The following PDK1 variants were observed in gnomAD, a reference collection of about 807,000 sequenced individuals.
PDK1 encodes pyruvate dehydrogenase kinase 1.
In PDK1, 39 loss-of-function variants were observed where a neutral mutation model predicts 54.2. That is an observed-to-expected ratio of 0.72 (90% confidence interval 0.56 to 0.94). The LOEUF (loss-of-function observed/expected upper bound fraction) is 0.94. Ranked by LOEUF, PDK1 falls within the 40% of genes least tolerant of loss-of-function variation. The pLI, the probability that PDK1 is intolerant of heterozygous loss-of-function variation, is 0.00. For missense variants in PDK1, 552 were observed against 566.0 expected (o/e 0.98, Z 0.25); for synonymous variants, 221 against 207.1 (o/e 1.07, Z -0.58).
the PDK1 span, among the ~76,000 whole-genome samples, chr2:172,639,093 T>C: frequency 6.6e-6 from 1 of 152,224 alleles, no homozygotes. Flanking sequence ...CTCAAACTCC[T>C]GAGTTCAAGT....
intron 7 of PDK1, among the ~76,000 whole-genome samples, chr2:172,569,084 CCT>C (rs1355860985): frequency 1.3e-5 from 2 of 152,166 alleles, no homozygotes; most frequent in East Asian, 3.9e-4. Context: ...AGTCACTCAA[CCT>C]CTCTGAGCCT....
chr2:172,600,299 G>C lies in PDK1; in HGVS notation c.*4330G>C, dbSNP rs558601835. 4 of 152,214 alleles carry C rather than the reference G, an allele frequency of 2.6e-5. No homozygotes were observed. The South Asian group carries it at 6.2e-4, about 24-fold the overall frequency. 9.4% of individuals were successfully genotyped at this position (152,214 alleles called of 1,614,324 possible). A position where few individuals can be genotyped will look rare whatever the true frequency, so the allele number is the denominator to read the frequency against. The stretch of plus-strand genomic sequence containing the variant: ...CAGTATTGCATGAAAATACAGTATG[G>C]TATGAAATTATTTGTCCAAAACTGT... On this transcript the variant is annotated 3_prime_UTR_variant, in exon 11 of 11. Transcript: ENST00000282077.
chr2:172,608,845 G>A (rs562015243), downstream of PDK1, among the ~76,000 whole-genome samples: 3 of 152,166 alleles, frequency 2.0e-5, no homozygotes, highest in South Asian at 6.2e-4. Flanking sequence ...TCCACAGATG[G>A]GCTTTTGTAG....
downstream of PDK1, among the ~76,000 whole-genome samples, chr2:172,612,694 T>C (rs1426004364): frequency 6.6e-6 from 1 of 152,054 alleles, no homozygotes; most frequent in East Asian, 1.9e-4. Context: ...GAGACGGAGT[T>C]TCACTGTTAA....
chr2:172,620,776 CCTGCTCTCCCTTTGCCTTCCACCAT>C, the PDK1 span, among the ~76,000 whole-genome samples: 1 of 152,146 alleles, frequency 6.6e-6, no homozygotes, highest in Non-Finnish European at 1.5e-5. Flanking sequence ...ATGTGAAGTG[CCTGCTCTCCCTTTGCCTTCCACCAT>C]AAGTAAAAGT....
the PDK1 span, among the ~76,000 whole-genome samples, chr2:172,702,846 A>G: frequency 6.6e-6 from 1 of 152,152 alleles, no homozygotes; most frequent in East Asian, 1.9e-4. Flanking sequence ...TACCCTGCCC[A>G]TATTCTCTTG....
At chr2:172,693,600 C>T in the PDK1 span, among the ~76,000 whole-genome samples, 4 of 152,066 alleles carry the variant, frequency 2.6e-5, no homozygotes, top group African/African-American at 9.7e-5. Context: ...CCATTTAAGT[C>T]CAAATGGCAA....
At chr2:172,583,470 T>G (rs1483710890) in intron 8 of PDK1, among the ~76,000 whole-genome samples, 1 of 151,774 alleles carries the variant, frequency 6.6e-6, no homozygotes, top group African/African-American at 2.4e-5. Context: ...ATTTTTGTAT[T>G]TTTAGTAGAG....
intron 9 of PDK1, among the ~76,000 whole-genome samples, chr2:172,587,910 T>C (rs539521615): frequency 1.3e-5 from 2 of 152,286 alleles, no homozygotes; most frequent in South Asian, 4.1e-4. Flanking sequence ...AGAGCGCCAA[T>C]TGGTGCATTT....
chr2:172,633,381 C>CTTT, the PDK1 span, among the ~76,000 whole-genome samples: 7 of 103,958 alleles, frequency 6.7e-5, no homozygotes, highest in Non-Finnish European at 9.5e-5. Flanking sequence ...GATTTTCTTT[C>CTTT]TTTTTTTTTT....
At chr2:172,688,975 C>A in the PDK1 span, among the ~76,000 whole-genome samples, 1 of 151,612 alleles carries the variant, frequency 6.6e-6, no homozygotes, top group African/African-American at 2.4e-5. Flanking sequence ...TGGCCCGGAC[C>A]CAAAGAGTGA....
At chr2:172,696,224 T>C in the PDK1 span, among the ~76,000 whole-genome samples, 1 of 151,140 alleles carries the variant, frequency 6.6e-6, no homozygotes, top group East Asian at 1.9e-4. Context: ...TCTTCCCCAG[T>C]TGAGCCTCCA....
At chr2:172,656,693 C>A in the PDK1 span, among the ~76,000 whole-genome samples, 1 of 152,118 alleles carries the variant, frequency 6.6e-6, no homozygotes, top group Non-Finnish European at 1.5e-5. Context: ...AGGATCACTT[C>A]TTGAGGCCAG....
chr2:172,709,015 A>G, the PDK1 span, among the ~76,000 whole-genome samples: 1 of 152,180 alleles, frequency 6.6e-6, no homozygotes, highest in Non-Finnish European at 1.5e-5. Flanking sequence ...AAGACAGCTG[A>G]TAAAGAGATT....
At chr2:172,672,238 G>T in the PDK1 span, among the ~76,000 whole-genome samples, 2 of 152,136 alleles carry the variant, frequency 1.3e-5, no homozygotes, top group African/African-American at 4.8e-5. Flanking sequence ...GCTGTTTAAA[G>T]TTTGAAATTA....
At chr2:172,697,199 A>G in the PDK1 span, among the ~76,000 whole-genome samples, 33 of 152,292 alleles carry the variant, frequency 2.2e-4, no homozygotes, top group Admixed American at 2.0e-3. Flanking sequence ...GCCAATTCCA[A>G]CTGCAAAACC....
At chr2:172,714,914 C>T in the PDK1 span, among the ~76,000 whole-genome samples, 27 of 151,872 alleles carry the variant, frequency 1.8e-4, no homozygotes, top group South Asian at 1.3e-3. Flanking sequence ...TGATAAAAAC[C>T]GATAAGAGCA....
At position 172,556,246 on chromosome 2, in the gene PDK1, G is replaced by T; in HGVS notation, c.96G>T (p.Ser32=). 1.4e-6 allele frequency: 2 copies of T among 1,469,188 alleles called. No individual in the cohort carries two copies. Among genetic ancestry groups the T allele is most frequent in the Non-Finnish European group, 9.0e-7 (1 of 1,116,656 alleles). 91.0% of individuals were successfully genotyped at this position (1,469,188 alleles called of 1,614,324 possible). The part of the protein sequence containing the change: ...AGFSRSFSSD[S]GSSPASERGV... ...TCAGCCGCAGCTTCAGCTCGGACTC[G>T]GGCTCCAGCCCGGCGTCCGAGCGCG... is the stretch of plus-strand genomic sequence containing the variant. The change falls in exon 1 of 11, where the codon TCG becomes TCT. Residue 32 remains serine, a synonymous_variant. Transcript: ENST00000282077.
chr2:172,698,995 C>T, the PDK1 span, among the ~76,000 whole-genome samples: 14 of 152,092 alleles, frequency 9.2e-5, no homozygotes, highest in East Asian at 1.9e-3. Context: ...TCAAAATCTC[C>T]CCTATACGTT....
Sources: gnomAD v4.1 joint callset for allele counts (sites outside exome capture counted in the v4.1 genomes callset) on GRCh38, gnomAD v4.1.1 for gene constraint, MANE v1.5 for transcripts, NCBI Gene and HGNC (gene_info 2026-07-23, HGNC 2026-07-21) for gene names.